NRDC: variants seen among roughly 807,000 people sequenced by gnomAD.
The protein encoded by NRDC is nardilysin convertase.
NRDC carries 54 observed loss-of-function variants against 147.1 expected under a neutral mutation model. The observed-to-expected ratio is 0.37, with a 90% CI of 0.29 to 0.46. The LOEUF (loss-of-function observed/expected upper bound fraction) is 0.46. NRDC is among the 20% of genes least tolerant of loss of function. The probability of loss-of-function intolerance (pLI) is 1.00; values close to 1 mark genes in which losing one functional copy is unlikely to be tolerated. For synonymous variants in NRDC, 440 were observed against 482.1 expected, an observed-to-expected ratio of 0.91 and a Z score of 1.14; for missense variants, 1,082 against 1,370.6, an observed-to-expected ratio of 0.79 and a Z score of 3.33.
chr1:51,853,593 T>G (rs374550922), intron 1 of NRDC, among the ~76,000 whole-genome samples: 1 of 152,206 alleles, frequency 6.6e-6, no homozygotes, highest in African/African-American at 2.4e-5. Context: ...ATTAGAAATC[T>G]CTCTCTTTAG....
chr1:51,875,716 C>T (rs6692605), intron 1 of NRDC, among the ~76,000 whole-genome samples: 4,089 of 151,028 alleles, frequency 0.027, 181 homozygotes, highest in African/African-American at 0.094. Flanking sequence ...CACCACCACA[C>T]CCGGCTAATT....
At chr1:51,840,713 G>A (rs1681227804) in intron 1 of NRDC, among the ~76,000 whole-genome samples, 199 bp from the exon 2 acceptor site, 3 of 152,160 alleles carry the variant, frequency 2.0e-5, no homozygotes, top group Admixed American at 2.0e-4. Context: ...AACAGCTGGA[G>A]GGAAATGAAG....
Position 51,846,726 on chromosome 1 carries a change from T to C in NRDC, c.342-6212A>G, listed in dbSNP as rs547429607. On this transcript the variant is annotated intron_variant, in intron 1 of 30. Transcript: ENST00000352171. Reference sequence around the variant, plus strand: ...GATTTATCGCCAACAGCGATGGAACTCGACCCAAGTGGGTTATCACCCCAG... The same window carrying C: ...GATTTATCGCCAACAGCGATGGAACCCGACCCAAGTGGGTTATCACCCCAG... Among the ~76,000 whole-genome samples, 6 of 152,354 alleles carry C rather than the reference T, an allele frequency of 3.9e-5. No individual in the cohort carries two copies. In the East Asian group the frequency reaches 9.6e-4, roughly 24 times the overall value.
chr1:51,802,973 C>T (rs1018241276), intron 20 of NRDC, among the ~76,000 whole-genome samples: 3 of 152,210 alleles, frequency 2.0e-5, no homozygotes, highest in Middle Eastern at 3.4e-3. Context: ...TTTTCCTCCT[C>T]TTATGAAGTT....
chr1:51,877,954 C>T (rs1683415434), intron 1 of NRDC: 1 of 1,088,176 alleles, frequency 9.2e-7, no homozygotes, highest in Admixed American at 4.3e-5. Flanking sequence ...TCAACCTTTC[C>T]TGGTAACATA....
At chr1:51,865,995 G>A (rs1259641779) in intron 1 of NRDC, among the ~76,000 whole-genome samples, 1 of 151,950 alleles carries the variant, frequency 6.6e-6, no homozygotes, top group Non-Finnish European at 1.5e-5. Flanking sequence ...GGAGGCAGAG[G>A]TTGCAGTGAG....
chr1:51,874,146 A>T (rs79917686), intron 1 of NRDC, among the ~76,000 whole-genome samples: 2 of 120,868 alleles, frequency 1.7e-5, no homozygotes, highest in Non-Finnish European at 3.3e-5. Context: ...TTTAATCATT[A>T]AAAAAAAAAA....
chr1:51,877,940 T>C, intron 1 of NRDC: 1 of 974,286 alleles, frequency 1.0e-6, no homozygotes. Flanking sequence ...AGTATCCAAC[T>C]CCGTCAACCT....
In NRDC at chr1:51,840,388, ATCATCT is replaced by A. The variant is rs773763630; in HGVS notation, c.462_467del (p.Glu154_Asp155del). On this transcript the variant is annotated inframe_deletion, in exon 2 of 31. Transcript: ENST00000352171. ...CTATTTCAGCTCCAGAATCTTCATC[ATCATCT>A]TCTTCTTCTTCCTCCACCTCCTCTT... The A allele has an allele frequency of 1.6e-5, 24 of 1,516,190 alleles. No homozygotes were observed. The highest frequency in any genetic ancestry group is 6.8e-5 in the South Asian group (6 of 88,698). 93.9% of individuals were successfully genotyped at this position (1,516,190 alleles called of 1,614,324 possible).
At chr1:51,848,594 T>C (rs542668952) in intron 1 of NRDC, among the ~76,000 whole-genome samples, 29 of 152,264 alleles carry the variant, frequency 1.9e-4, no homozygotes, top group Non-Finnish European at 3.1e-4. Context: ...CCAAAAACTA[T>C]TATTAATAAA....
intron 4 of NRDC, among the ~76,000 whole-genome samples, chr1:51,832,616 T>C (rs764483023): frequency 7.9e-5 from 12 of 152,206 alleles, no homozygotes; most frequent in Non-Finnish European, 1.5e-4. Context: ...GAATTAGGTA[T>C]AACTTTTTTC....
At chr1:51,871,410 A>G (rs1440363488) in intron 1 of NRDC, among the ~76,000 whole-genome samples, 2 of 150,840 alleles carry the variant, frequency 1.3e-5, no homozygotes, top group East Asian at 3.9e-4. Flanking sequence ...TTCACCAGTA[A>G]TAATTTCTCG....
Position 51,809,305 on chromosome 1 carries a change from T to C in NRDC, c.1990+10A>G. On this transcript the variant is annotated intron_variant, in intron 17 of 30. Coordinates refer to ENST00000352171, the MANE Select transcript of NRDC (RefSeq NM_001101662.2). ...GATGGATTATGTATAAAAATTGCTA[T>C]TTTACTGACCTATGTACTTGTTTTC... 6.3e-7 allele frequency: 1 copy of C among 1,598,620 alleles called. No individual in the cohort carries two copies. Among genetic ancestry groups the C allele is most frequent in the East Asian group, 2.2e-5 (1 of 44,774 alleles).
intron 2 of NRDC, among the ~76,000 whole-genome samples, chr1:51,838,703 C>T (rs2149221613): frequency 6.6e-6 from 1 of 152,050 alleles, no homozygotes; most frequent in South Asian, 2.1e-4. Context: ...AGAAGTAGAA[C>T]CCAGGTTTCC....
chr1:51,809,967 G>A (rs1358472102), intron 16 of NRDC, among the ~76,000 whole-genome samples: 1 of 151,336 alleles, frequency 6.6e-6, no homozygotes, highest in East Asian at 1.9e-4. Context: ...CAGACCCTCT[G>A]ACTCAGAATC....
intron 28 of NRDC, 50 bp downstream of exon 28, chr1:51,790,850 C>G: frequency 6.8e-7 from 1 of 1,473,828 alleles, no homozygotes; most frequent in Non-Finnish European, 9.4e-7. Flanking sequence ...AGATTTGTAT[C>G]TGGGGGCTTG....
At chr1:51,809,458 T>A in intron 16 of NRDC, 57 bp from the exon 17 acceptor site, 1 of 1,137,086 alleles carries the variant, frequency 8.8e-7, no homozygotes, top group Non-Finnish European at 1.3e-6. Flanking sequence ...AACATTCTCT[T>A]AATAATAAAC....
intron 1 of NRDC, among the ~76,000 whole-genome samples, chr1:51,856,110 G>T (rs889028284): frequency 2.6e-5 from 4 of 152,128 alleles, no homozygotes; most frequent in Non-Finnish European, 5.9e-5. Context: ...CATTCTTGTA[G>T]GGAAATACAG....
intron 3 of NRDC, among the ~76,000 whole-genome samples, chr1:51,835,859 T>A (rs1680942725): frequency 6.6e-6 from 1 of 152,202 alleles, no homozygotes; most frequent in African/African-American, 2.4e-5. Context: ...AAAATGGCAA[T>A]CATCTCCTGA....
Sources: allele counts gnomAD v4.1 joint callset (sites outside exome capture counted in the v4.1 genomes callset), GRCh38; gene constraint gnomAD v4.1.1; transcripts MANE v1.5; gene names NCBI Gene and HGNC (gene_info 2026-07-23, HGNC 2026-07-21).